The following TCF25 variants were observed in gnomAD, a reference collection of about 807,000 sequenced individuals.
TCF25 encodes the protein ribosome quality control complex subunit TCF25.
Under a neutral mutation model 83.1 loss-of-function variants are expected in TCF25, and 41 were observed. The observed-to-expected ratio is 0.49, with a 90% CI of 0.38 to 0.64. The LOEUF is 0.64. Ranked by LOEUF, TCF25 falls within the 30% of genes least tolerant of loss-of-function variation. TCF25 has a pLI of 0.00. For missense variants in TCF25, 979 were observed against 914.5 expected (o/e 1.07, Z -0.91); for synonymous variants, 458 against 365.0 (o/e 1.25, Z -2.90).
At chr16:89,907,953 T>A (rs1198377755) in intron 16 of TCF25, among the ~76,000 whole-genome samples, 4 of 19,646 alleles carry the variant, frequency 2.0e-4, no homozygotes, top group Admixed American at 6.5e-4. Context: ...CCCACCTCCC[T>A]CCTCCCGCCG....
chr16:89,892,114 G>A (rs1046859278), intron 5 of TCF25, 79 bp from the exon 6 acceptor site: 74 of 1,410,860 alleles, frequency 5.2e-5, no homozygotes, highest in African/African-American at 1.6e-4. Context: ...TCCACAGCCC[G>A]TGCAGGGATC....
rs1177061283 is a variant in TCF25 at position 89,884,640 on chromosome 16, G to C, written c.413G>C (p.Ser138Thr). ...KKKKQKNKKSSTGEASENGLE... is the reference protein window; with the variant it reads ...KKKKQKNKKSTTGEASENGLE... ...AAAAAACAGAAAAACAAGAAAAGCA[G>C]CACGGGAGAAGCATCGGTACGTGAG... The change falls in exon 3 of 18, where the codon AGC (serine) becomes ACC (threonine). Residue 138 changes from serine to threonine, a missense_variant. Transcript: ENST00000263346. 2 of 1,613,022 alleles carry C rather than the reference G, an allele frequency of 1.2e-6. No homozygotes were observed. Among genetic ancestry groups the C allele is most frequent in the Non-Finnish European group, 1.7e-6 (2 of 1,179,408 alleles).
At chr16:89,881,001 GGAGT>G (rs1167472596) in intron 1 of TCF25, among the ~76,000 whole-genome samples, 3 of 152,194 alleles carry the variant, frequency 2.0e-5, no homozygotes, top group African/African-American at 2.4e-5. Context: ...TCGTTTTGGT[GGAGT>G]GTCAGTGTTT....
chr16:89,879,408 TCC>T (rs2042444406), intron 1 of TCF25, among the ~76,000 whole-genome samples: 1 of 145,566 alleles, frequency 6.9e-6, no homozygotes, highest in African/African-American at 2.6e-5. Flanking sequence ...ACACGTGTTG[TCC>T]GTGTACACAG....
chr16:89,881,242 G>T (rs1213806085), intron 1 of TCF25, among the ~76,000 whole-genome samples: 1 of 152,118 alleles, frequency 6.6e-6, no homozygotes, highest in Non-Finnish European at 1.5e-5. Flanking sequence ...GTCTTCCCAG[G>T]TGCAGCCGAG....
chr16:89,900,041 A>G (rs2044189601), intron 11 of TCF25, among the ~76,000 whole-genome samples: 1 of 152,168 alleles, frequency 6.6e-6, no homozygotes, highest in East Asian at 1.9e-4. Context: ...GTGCAGGGAA[A>G]CCTCAGGGAG....
chr16:89,894,815 T>C (rs1445519528), intron 7 of TCF25: 4 of 404,060 alleles, frequency 9.9e-6, no homozygotes, highest in Non-Finnish European at 4.6e-6. Context: ...CGGCTAATTT[T>C]TGTATTTTTA....
chr16:89,904,942 C>T lies in TCF25; in HGVS notation c.1474C>T (p.Pro492Ser), dbSNP rs2044653754. The change falls in exon 14 of 18, where the codon CCC (proline) becomes TCC (serine). Residue 492 changes from proline to serine, a missense_variant. Physicochemically the swap from Pro to Ser is moderately conservative, Grantham distance 74. Coordinates refer to ENST00000263346, the MANE Select transcript of TCF25 (RefSeq NM_014972.3). ...AGAGCCCTTGCTCTCCCCCAGCCAG[C>T]CCCCTGCCCTGAGCCAGCTGGTGAA... ...FFGPNAEISQPPALSQLVNLY... is the reference protein window; with the variant it reads ...FFGPNAEISQSPALSQLVNLY... The T allele has an allele frequency of 1.9e-6, 3 of 1,605,340 alleles. No homozygotes were observed. The highest frequency in any genetic ancestry group is 1.7e-6 in the Non-Finnish European group (2 of 1,176,458).
intron 1 of TCF25, among the ~76,000 whole-genome samples, chr16:89,881,283 G>A (rs978113754): frequency 8.5e-5 from 13 of 152,202 alleles, no homozygotes; most frequent in African/African-American, 3.1e-4. Context: ...CTATCTCAGG[G>A]CTATGGGGCT....
At chr16:89,910,950 C>G in intron 17 of TCF25, 130 bp from the exon 18 acceptor site, 1 of 1,299,736 alleles carries the variant, frequency 7.7e-7, no homozygotes, top group Non-Finnish European at 1.1e-6. Context: ...CTCACAGGGA[C>G]CTGGGGAGGG....
At chr16:89,891,972 AATT>A (rs2043466997) in intron 5 of TCF25, among the ~76,000 whole-genome samples, 1 of 151,966 alleles carries the variant, frequency 6.6e-6, no homozygotes, top group South Asian at 2.1e-4. Flanking sequence ...GCCCAGCCAG[AATT>A]GTTTCTTTCT....
intron 9 of TCF25, among the ~76,000 whole-genome samples, chr16:89,896,786 C>T (rs1265553342): frequency 6.6e-6 from 1 of 152,066 alleles, no homozygotes. Flanking sequence ...CATCTCCTGA[C>T]CTTGCGATCC....
At chr16:89,910,942 C>G (rs2045503694) in intron 17 of TCF25, 138 bp from the exon 18 acceptor site, 7 of 1,251,602 alleles carry the variant, frequency 5.6e-6, no homozygotes, top group Non-Finnish European at 7.7e-6. Flanking sequence ...GCTTCCTCCT[C>G]ACAGGGACCT....
chr16:89,893,744 G>T lies in TCF25; in HGVS notation c.714G>T (p.Leu238=). 1 of 1,613,858 alleles carries T rather than the reference G, an allele frequency of 6.2e-7. No individual in the cohort carries two copies. Among genetic ancestry groups the T allele is most frequent in the Non-Finnish European group, 8.5e-7 (1 of 1,179,964 alleles). ...CCCTCCCAGGTCTGTCCATGCGGCT[G>T]CTGGAATCAAAAAAAGGCCTCTCCT... ...RYSKPGLSMR[L]LESKKGLSFF... is the part of the protein sequence containing the mutation. The change falls in exon 7 of 18, where the codon CTG becomes CTT. Residue 238 remains leucine (L), a synonymous_variant. Coordinates refer to ENST00000263346, the MANE Select transcript of TCF25 (RefSeq NM_014972.3).
intron 8 of TCF25, among the ~76,000 whole-genome samples, chr16:89,895,471 G>T (rs1409988819): frequency 1.3e-5 from 2 of 152,184 alleles, no homozygotes; most frequent in Non-Finnish European, 2.9e-5. Flanking sequence ...CTCCCAAAGT[G>T]CTGGGATTAC....
chr16:89,878,090 C>G (rs2042325335), intron 1 of TCF25, among the ~76,000 whole-genome samples: 1 of 152,188 alleles, frequency 6.6e-6, no homozygotes, highest in Admixed American at 6.6e-5. Context: ...CCAGCCTGGG[C>G]AATGTGGCAA....
At chr16:89,883,302 G>T in intron 1 of TCF25, 49 bp from the exon 2 acceptor site, 1 of 1,598,760 alleles carries the variant, frequency 6.3e-7, no homozygotes, top group Non-Finnish European at 8.6e-7. Context: ...CAGCATGAGC[G>T]TTCACACTGT....
chr16:89,901,459 C>T (rs1379799852), intron 12 of TCF25, among the ~76,000 whole-genome samples: 2 of 147,842 alleles, frequency 1.4e-5, no homozygotes, highest in Admixed American at 6.7e-5. Flanking sequence ...TTAAGACGGG[C>T]CTCCGGCCGG....
At chr16:89,895,013 C>T in intron 7 of TCF25, 25 bp from the exon 8 acceptor site, 1 of 1,606,556 alleles carries the variant, frequency 6.2e-7, no homozygotes, top group Non-Finnish European at 8.5e-7. Context: ...TGCCTTTCCT[C>T]CAGGGCTGTC....
Sources: allele counts gnomAD v4.1 joint callset (sites outside exome capture counted in the v4.1 genomes callset), GRCh38; gene constraint gnomAD v4.1.1; transcripts MANE v1.5; gene names NCBI Gene and HGNC (gene_info 2026-07-23, HGNC 2026-07-21).